The following CNDP1 variants were observed in gnomAD, a reference collection of about 807,000 sequenced individuals.
CNDP1 encodes the protein carnosine dipeptidase 1.
A neutral mutation model predicts 58.1 loss-of-function variants in CNDP1; 44 were observed. The observed-to-expected ratio is 0.76, with a 90% confidence interval of 0.60 to 0.97. The LOEUF is 0.97. Among genes scored for constraint, CNDP1 ranks in the 50% least tolerant of loss-of-function variants. The pLI, the probability that CNDP1 is intolerant of heterozygous loss-of-function variation, is 0.00. For missense variants in CNDP1, 616 were observed against 655.1 expected (o/e 0.94, Z 0.65); for synonymous variants, 254 against 252.6 (o/e 1.01, Z -0.05).
rs1981845038 is a variant in CNDP1, at chr18:74,583,704, A to G, written c.1453A>G (p.Asn485Asp). Residue 485 changes from asparagine (N) to aspartate (D), a missense_variant, in exon 11 of 12, where the codon AAC (asparagine) becomes GAC (aspartate). By Grantham distance (23) the Asn-to-Asp change is conservative. Coordinates refer to ENST00000358821, the MANE Select transcript of CNDP1 (RefSeq NM_032649.6). The stretch of plus-strand genomic sequence containing the variant: ...AGAACATTCGCAGAATGAGAAAATC[A>G]ACAGGTCAGCTGATGCCTGTGCAAT... ...DGEHSQNEKI[N>D]RWNYIEGTKL... 5 of 1,614,184 alleles carry G rather than the reference A, an allele frequency of 3.1e-6. No homozygotes were observed. The highest frequency in any genetic ancestry group is 4.2e-6 in the Non-Finnish European group (5 of 1,180,022).
In CNDP1 at chr18:74,571,285, T is replaced by C. The variant is rs752993780; in HGVS notation, c.841+15T>C. 6.4e-7 allele frequency: 1 copy of C among 1,568,698 alleles called. No homozygotes were observed. The highest frequency in any genetic ancestry group is 1.7e-5 in the Admixed American group (1 of 59,766). ...TGCTCTTCTCGGTAATGCCTTATTT[T>C]GTTTCACTTTTTAAGCATCAGGGAT... On this transcript the variant is annotated intron_variant, in intron 7 of 11. Transcript: ENST00000358821.
intron 1 of CNDP1, among the ~76,000 whole-genome samples, chr18:74,544,347 G>A (rs1197772377): frequency 6.6e-6 from 1 of 152,302 alleles, no homozygotes; most frequent in East Asian, 1.9e-4. Context: ...GAGAAACAAA[G>A]TCCTGGCCCC....
chr18:74,561,044 G>A (rs2144656920), intron 4 of CNDP1, 26 bp downstream of exon 4: 1 of 1,604,372 alleles, frequency 6.2e-7, no homozygotes. Flanking sequence ...GGGCTACAGT[G>A]CGGTGCTGCT....
intron 1 of CNDP1, among the ~76,000 whole-genome samples, chr18:74,548,515 C>A (rs1200931135): frequency 6.6e-6 from 1 of 152,138 alleles, no homozygotes; most frequent in Admixed American, 6.5e-5. Flanking sequence ...CACCTCTTTT[C>A]TTTATAAACT....
At chr18:74,570,052 A>G (rs1280589028) in intron 6 of CNDP1, among the ~76,000 whole-genome samples, 4 of 126,620 alleles carry the variant, frequency 3.2e-5, no homozygotes, top group African/African-American at 1.1e-4. Context: ...AAAAAAAAAA[A>G]GCTGGGCATG....
intron 5 of CNDP1, 121 bp from the exon 6 acceptor site, chr18:74,567,112 C>T (rs1317905853): frequency 5.3e-6 from 4 of 756,454 alleles, no homozygotes; most frequent in Non-Finnish European, 9.2e-6. Context: ...ATTACCTCCC[C>T]CTGGGTCCCT....
At position 74,560,884 on chromosome 18, in the gene CNDP1, CTCCCGTCA is replaced by C. The variant is rs1194458463; in HGVS notation, c.336_343del (p.Val113GlyfsTer24). 1 of 1,613,970 alleles carries C rather than the reference CTCCCGTCA, an allele frequency of 6.2e-7. No homozygotes were observed. Among genetic ancestry groups the C allele is most frequent in the Non-Finnish European group, 8.5e-7 (1 of 1,179,994 alleles). ...CCCGATGGTCAGAGTCTTCCAATAC[CTCCCGTCA>C]TCCTGGCCGAACTGGGGAGCGATCC... On this transcript the variant is annotated frameshift_variant, in exon 4 of 12. Transcript: ENST00000358821. LOFTEE classifies it high-confidence loss of function.
At chr18:74,568,390 G>T (rs1417530103) in intron 6 of CNDP1, among the ~76,000 whole-genome samples, 1 of 152,212 alleles carries the variant, frequency 6.6e-6, no homozygotes, top group Non-Finnish European at 1.5e-5. Flanking sequence ...AGATACTAAA[G>T]AGATGTGGGA....
intron 3 of CNDP1, among the ~76,000 whole-genome samples, chr18:74,560,262 C>A (rs529913127): frequency 7.2e-5 from 11 of 152,202 alleles, no homozygotes; most frequent in Non-Finnish European, 1.5e-4. Flanking sequence ...GATCCACCCG[C>A]CTTGGCTTCC....
At chr18:74,555,427 C>A (rs568274499) in intron 1 of CNDP1, among the ~76,000 whole-genome samples, 2 of 152,278 alleles carry the variant, frequency 1.3e-5, no homozygotes, top group African/African-American at 4.8e-5. Flanking sequence ...TCGGGCTGCA[C>A]TGGGGGAGAT....
At position 74,580,112 on chromosome 18, in the gene CNDP1, G is replaced by GA. The variant is rs779247255; in HGVS notation, c.1168-14dup. On this transcript the variant is annotated splice_polypyrimidine_tract_variant and intron_variant, in intron 9 of 11. Transcript: ENST00000358821. ...TAACTTGACACTTTCTCTTATCATT[G>GA]AAAATGTCACCTTTTAGGTGACACG... 3.1e-6 allele frequency: 5 copies of GA among 1,606,894 alleles called. No homozygotes were observed. The highest frequency in any genetic ancestry group is 4.3e-6 in the Non-Finnish European group (5 of 1,175,286).
At chr18:74,555,344 A>C (rs1322864139) in intron 1 of CNDP1, among the ~76,000 whole-genome samples, 2 of 152,014 alleles carry the variant, frequency 1.3e-5, no homozygotes, top group Non-Finnish European at 2.9e-5. Context: ...CGGTCTGACC[A>C]AGGGCTGCAG....
Position 74,578,296 on chromosome 18 carries a change from C to T in CNDP1, c.1136C>T (p.Pro379Leu). The T allele has an allele frequency of 6.2e-7, 1 of 1,612,256 alleles. No individual in the cohort carries two copies. Among genetic ancestry groups the T allele is most frequent in the Non-Finnish European group, 8.5e-7 (1 of 1,179,368 alleles). The change falls in exon 9 of 12, where the codon CCT becomes CTT. Residue 379 changes from proline (P) to leucine (L), a missense_variant. By Grantham distance (98) the Pro-to-Leu change is moderately conservative. Transcript: ENST00000358821. The part of the protein sequence containing the change: ...VIGKFSIRLV[P>L]HMNVSAVEKQ... ...GGAAAATTTTCAATCCGTCTAGTCC[C>T]TCACATGAATGTGTCTGCGGTGGAA... is the stretch of plus-strand genomic sequence containing the variant.
intron 5 of CNDP1, among the ~76,000 whole-genome samples, chr18:74,563,499 G>T (rs1323693447): frequency 6.6e-6 from 1 of 152,110 alleles, no homozygotes; most frequent in Non-Finnish European, 1.5e-5. Context: ...TAATCACAAA[G>T]AAAACAGAAG....
At chr18:74,553,043 C>T (rs1980949098) in intron 1 of CNDP1, among the ~76,000 whole-genome samples, 1 of 152,196 alleles carries the variant, frequency 6.6e-6, no homozygotes, top group Admixed American at 6.5e-5. Flanking sequence ...CATGCTGAGC[C>T]TAAACTTTCC....
intron 7 of CNDP1, chr18:74,576,602 G>A (rs975920902): frequency 5.4e-6 from 2 of 371,022 alleles, no homozygotes; most frequent in Non-Finnish European, 9.6e-6. Context: ...GACCTCATTT[G>A]TTGCAGGCCC....
intron 7 of CNDP1, chr18:74,574,817 G>A (rs1981585201): frequency 6.6e-6 from 1 of 152,170 alleles, no homozygotes; most frequent in Admixed American, 6.5e-5. Context: ...GGCGTTTCAG[G>A]CAGGGCCAAA....
chr18:74,539,630 G>A (rs1980567236), intron 1 of CNDP1, among the ~76,000 whole-genome samples: 1 of 152,240 alleles, frequency 6.6e-6, no homozygotes, highest in African/African-American at 2.4e-5. Context: ...CTCCTGAGCA[G>A]CAAGTGGTTC....
In CNDP1 at chr18:74,585,505, A is replaced by T. The variant is rs1981887649; in HGVS notation, c.*943A>T. ...AAAGCCATCAGCTAATGCTGCATTC[A>T]TTAATCATTTTAGTTAACCATCATG... On this transcript the variant is annotated 3_prime_UTR_variant, in exon 12 of 12. Transcript: ENST00000358821. The T allele has an allele frequency of 6.6e-6, 1 of 152,250 alleles. No homozygotes were observed. Among genetic ancestry groups the T allele is most frequent in the Admixed American group, 6.5e-5 (1 of 15,288 alleles). The allele number at this position is 152,250 out of a possible 1,614,324, so 9.4% of individuals were successfully genotyped here.
Sources: gnomAD v4.1 joint callset for allele counts (sites outside exome capture counted in the v4.1 genomes callset) on GRCh38, gnomAD v4.1.1 for gene constraint, MANE v1.5 for transcripts, NCBI Gene and HGNC (gene_info 2026-07-23, HGNC 2026-07-21) for gene names.